The following ALPL variants were observed in gnomAD, a reference collection of about 807,000 sequenced individuals.
ALPL encodes the protein alkaline phosphatase, tissue-nonspecific isozyme.
In ALPL, 42 loss-of-function variants were observed where a neutral mutation model predicts 51.3. The observed-to-expected ratio is 0.82, with a 90% CI of 0.64 to 1.06. ALPL has a LOEUF of 1.06. Ranked by LOEUF, ALPL falls within the 50% of genes least tolerant of loss-of-function variation. ALPL has a pLI of 0.00. For synonymous variants in ALPL, 279 were observed against 296.4 expected (o/e 0.94, Z 0.60); for missense variants, 589 against 709.4 (o/e 0.83, Z 1.93).
intron 1 of ALPL, among the ~76,000 whole-genome samples, chr1:21,550,220 G>A (rs1002738387): frequency 3.3e-5 from 5 of 152,262 alleles, no homozygotes; most frequent in East Asian, 1.9e-4. Flanking sequence ...TGTGTCAAAC[G>A]TCAGAACACT....
chr1:21,530,149 C>A (rs1452306739), intron 1 of ALPL, among the ~76,000 whole-genome samples: 1 of 152,134 alleles, frequency 6.6e-6, no homozygotes, highest in African/African-American at 2.4e-5. Context: ...GGGAGCCATG[C>A]ACTTCTTGCC....
At chr1:21,538,452 C>T (rs373443321) in intron 1 of ALPL, among the ~76,000 whole-genome samples, 5 of 152,326 alleles carry the variant, frequency 3.3e-5, no homozygotes, top group South Asian at 4.1e-4. Flanking sequence ...TGGGAACACC[C>T]GCGTCCTTCC....
intron 6 of ALPL, among the ~76,000 whole-genome samples, chr1:21,565,608 G>A (rs1423404465): frequency 6.7e-6 from 1 of 150,336 alleles, no homozygotes; most frequent in Non-Finnish European, 1.5e-5. Flanking sequence ...GAGGGGGTGG[G>A]AGATGAGGAG....
Position 21,560,675 on chromosome 1 carries a change from G to A in ALPL, c.111G>A (p.Leu37=), listed in dbSNP as rs769035516. 3 of 1,614,042 alleles carry A rather than the reference G, an allele frequency of 1.9e-6. No homozygotes were observed. The Admixed American group carries it at 5.0e-5, about 27-fold the overall frequency. ...GGCGAGACCAAGCGCAAGAGACACT[G>A]AAATATGCCCTGGAGCTTCAGAAGC... is the stretch of plus-strand genomic sequence containing the variant. ...KYWRDQAQET[L]KYALELQKLN... The change falls in exon 3 of 12, where the codon CTG becomes CTA. Residue 37 remains leucine (L), a synonymous_variant. Coordinates refer to ENST00000374840, the MANE Select transcript of ALPL (RefSeq NM_000478.6).
In ALPL at chr1:21,564,217, G is replaced by A. The variant is rs749544042; in HGVS notation, c.648+1G>A. On this transcript the variant is annotated splice_donor_variant, in intron 6 of 11. Transcript: ENST00000374840. LOFTEE classifies it high-confidence loss of function. The surrounding 1 kb of genome is among the most constrained non-coding windows in gnomAD (Gnocchi z 5.8). ...CATGCATAACATCAGGGACATTGACGTGAGTGCTCGGGGGCAGCCGGGCAG... is the reference window on the plus strand; with the variant it reads ...CATGCATAACATCAGGGACATTGACATGAGTGCTCGGGGGCAGCCGGGCAG... 30 of 1,613,416 alleles carry A rather than the reference G, an allele frequency of 1.9e-5. No individual in the cohort carries two copies. The highest frequency in any genetic ancestry group is 3.3e-5 in the Admixed American group (2 of 60,000).
At chr1:21,516,035 C>T (rs1238680264) in intron 1 of ALPL, among the ~76,000 whole-genome samples, 6 of 152,116 alleles carry the variant, frequency 3.9e-5, no homozygotes, top group Admixed American at 6.5e-5. Context: ...TTCGCCACCA[C>T]GCCCCGCTAA....
chr1:21,551,925 C>G lies in ALPL; in HGVS notation c.-104-2053C>G, dbSNP rs1284282539. Among the ~76,000 whole-genome samples the G allele has an allele frequency of 2.6e-5, 4 of 151,138 alleles. No homozygotes were observed. The East Asian group carries it at 7.9e-4, about 30-fold the overall frequency. On this transcript the variant is annotated intron_variant, in intron 1 of 11. Coordinates refer to ENST00000374840, the MANE Select transcript of ALPL (RefSeq NM_000478.6). ...TATTTTTAGTAGAGACGGGGTTTCACTGTGTTAGCCAGGATGGTCTCGATC... is the reference window on the plus strand; with the variant it reads ...TATTTTTAGTAGAGACGGGGTTTCAGTGTGTTAGCCAGGATGGTCTCGATC...
intron 1 of ALPL, among the ~76,000 whole-genome samples, chr1:21,525,030 C>A (rs1643924041): frequency 1.3e-5 from 2 of 152,252 alleles, no homozygotes; most frequent in East Asian, 1.9e-4. Context: ...GAGTTTCTAT[C>A]TGAGGCTTCC....
At chr1:21,549,683 A>T (rs1303598139) in intron 1 of ALPL, among the ~76,000 whole-genome samples, 1 of 152,032 alleles carries the variant, frequency 6.6e-6, no homozygotes, top group Non-Finnish European at 1.5e-5. Flanking sequence ...GGCTGGTCTC[A>T]AACACCTGAC....
intron 1 of ALPL, among the ~76,000 whole-genome samples, chr1:21,535,486 C>T (rs1644093431): frequency 6.6e-6 from 1 of 152,096 alleles, no homozygotes; most frequent in Non-Finnish European, 1.5e-5. Context: ...GTGCTGTGCG[C>T]CGGTGGTCCC....
At chr1:21,513,093 G>T (rs1309833175) in intron 1 of ALPL, among the ~76,000 whole-genome samples, 1 of 151,544 alleles carries the variant, frequency 6.6e-6, no homozygotes, top group East Asian at 1.9e-4. Flanking sequence ...TTACTATTTT[G>T]TATTCATCTG....
At chr1:21,565,438 C>T (rs6656120) in intron 6 of ALPL, among the ~76,000 whole-genome samples, 11,011 of 152,194 alleles carry the variant, frequency 0.072, 525 homozygotes, top group South Asian at 0.14. Flanking sequence ...CTCCCAGGGC[C>T]GTGGGAGGCC....
At chr1:21,567,283 G>T (rs779966784) in intron 6 of ALPL, among the ~76,000 whole-genome samples, 6 of 152,356 alleles carry the variant, frequency 3.9e-5, no homozygotes, top group Admixed American at 3.9e-4. Flanking sequence ...GGTGGTCACC[G>T]CAGGCGGCTG....
chr1:21,522,339 G>T (rs1643891637), intron 1 of ALPL, among the ~76,000 whole-genome samples: 1 of 152,182 alleles, frequency 6.6e-6, no homozygotes, highest in Non-Finnish European at 1.5e-5. Flanking sequence ...CTCCCAAAGT[G>T]CTGGGATTAC....
Position 21,573,725 on chromosome 1 carries a change from C to G in ALPL, c.923C>G (p.Ser308Ter), listed in dbSNP as rs376221105. 1 of 1,614,144 alleles carries G rather than the reference C, an allele frequency of 6.2e-7. No individual in the cohort carries two copies. The highest frequency in any genetic ancestry group is 8.5e-7 in the Non-Finnish European group (1 of 1,180,024). ...AACAGGAACAACGTGACGGACCCGT[C>G]ACTCTCCGAGATGGTGGTGGTGGCC... ...ELNRNNVTDP[S>*]LSEMVVVAIQ... is the part of the protein sequence containing the mutation. Residue 308 changes from serine to a stop codon, truncating the protein, a stop_gained, in exon 9 of 12, where the codon TCA becomes TGA. Transcript: ENST00000374840. LOFTEE classifies it high-confidence loss of function.
At chr1:21,577,049 A>G (rs981802260) in intron 11 of ALPL, among the ~76,000 whole-genome samples, 3 of 152,144 alleles carry the variant, frequency 2.0e-5, no homozygotes, top group African/African-American at 7.2e-5. Flanking sequence ...CCCATCCCAT[A>G]TCATTCATTC....
At chr1:21,548,257 T>C (rs1274114456) in intron 1 of ALPL, among the ~76,000 whole-genome samples, 1 of 152,190 alleles carries the variant, frequency 6.6e-6, no homozygotes, top group Non-Finnish European at 1.5e-5. Context: ...GCCAGGAGCC[T>C]CTGCGAGGGG....
At chr1:21,511,572 G>C (rs1158882621) in intron 1 of ALPL, among the ~76,000 whole-genome samples, 1 of 152,158 alleles carries the variant, frequency 6.6e-6, no homozygotes, top group Non-Finnish European at 1.5e-5. Context: ...CTTCTGCCCA[G>C]GCCCTTCCCA....
intron 1 of ALPL, among the ~76,000 whole-genome samples, chr1:21,541,711 A>T (rs577041174): frequency 3.3e-5 from 5 of 152,116 alleles, no homozygotes; most frequent in Admixed American, 2.6e-4. Context: ...GGGCTGGGGT[A>T]GGGTAGGGAG....
Sources: gnomAD v4.1 joint callset for allele counts (sites outside exome capture counted in the v4.1 genomes callset) on GRCh38, gnomAD v4.1.1 for gene constraint, Gnocchi (gnomAD v3.1) non-coding constraint, MANE v1.5 for transcripts, NCBI Gene and HGNC (gene_info 2026-07-23, HGNC 2026-07-21) for gene names.